RTRAF: variants seen among roughly 807,000 people sequenced by gnomAD.
RTRAF encodes the protein RNA transcription, translation and transport factor.
RTRAF carries 14 observed loss-of-function variants against 34.4 expected under a neutral mutation model. The ratio of observed to expected loss-of-function variants is 0.41; its 90% CI spans 0.27 to 0.64. RTRAF has a LOEUF of 0.64. Ranked by LOEUF, RTRAF falls within the 30% of genes least tolerant of loss-of-function variation. The pLI is 0.34. For missense variants in RTRAF, 291 were observed against 288.4 expected (o/e 1.01, Z -0.06); for synonymous variants, 96 against 95.3 (o/e 1.01, Z -0.04).
In RTRAF at chr14:52,010,600, A is replaced by C. The variant is rs368702297; in HGVS notation, c.*6084A>C. On this transcript the variant is annotated 3_prime_UTR_variant, in exon 8 of 8. Coordinates refer to ENST00000261700, the MANE Select transcript of RTRAF (RefSeq NM_016039.3). ...GATTCAGAGTAGCCCTAGTTCTCAC[A>C]ACACTATCTGAATTTTCTACATATC... The C allele has an allele frequency of 6.8e-4, 206 of 303,594 alleles. 4 individuals are homozygous for C. In the South Asian group the frequency reaches 0.011, roughly 16 times the overall value. The allele number at this position is 303,594 out of a possible 1,614,324, so 18.8% of individuals were successfully genotyped here.
intron 2 of RTRAF, among the ~76,000 whole-genome samples, chr14:51,993,042 T>G (rs1440625324): frequency 1.3e-5 from 2 of 152,026 alleles, no homozygotes; most frequent in Non-Finnish European, 2.9e-5. Flanking sequence ...AAAAAAGAAA[T>G]ATGTATGTAT....
In RTRAF at chr14:51,989,662, C is replaced by A; in HGVS notation, c.23C>A (p.Ala8Asp). ...ACCATGTTCCGACGCAAGTTGACGG[C>A]TCTCGACTACCACAACCCCGCCGGC... MFRRKLT[A>D]LDYHNPAGFN... Residue 8 changes from alanine (A) to aspartate (D), a missense_variant, in exon 1 of 8, where the codon GCT becomes GAT. By Grantham distance (126) the Ala-to-Asp change is moderately radical (BLOSUM62 -2). Transcript: ENST00000261700. 2 of 1,606,714 alleles carry A rather than the reference C, an allele frequency of 1.2e-6. No homozygotes were observed. The highest frequency in any genetic ancestry group is 2.3e-5 in the East Asian group (1 of 44,212).
intron 1 of RTRAF, among the ~76,000 whole-genome samples, chr14:51,990,211 G>A (rs376714651): frequency 2.2e-4 from 34 of 152,350 alleles, no homozygotes; most frequent in South Asian, 8.3e-4. Flanking sequence ...GATCACAGTG[G>A]GAGGGTAAGC....
At chr14:51,993,894 A>C in intron 3 of RTRAF, 72 bp downstream of exon 3, 1 of 928,046 alleles carries the variant, frequency 1.1e-6, no homozygotes. Flanking sequence ...AATGTAGGGA[A>C]CTTTGCAGTT....
Position 52,006,528 on chromosome 14 carries a change from G to A in RTRAF, c.*2012G>A, listed in dbSNP as rs1334848607. The A allele has an allele frequency of 2.5e-6, 4 of 1,613,208 alleles. No homozygotes were observed. The highest frequency in any genetic ancestry group is 3.4e-6 in the Non-Finnish European group (4 of 1,179,400). ...CTTTTCAGGCTTGTCCAGAATTTGTGGGGCTCACCTCCTCCAGTCTGTGTG... is the reference window on the plus strand; with the variant it reads ...CTTTTCAGGCTTGTCCAGAATTTGTAGGGCTCACCTCCTCCAGTCTGTGTG... On this transcript the variant is annotated 3_prime_UTR_variant, in exon 8 of 8. Coordinates refer to ENST00000261700, the MANE Select transcript of RTRAF (RefSeq NM_016039.3).
At chr14:51,999,157 AGAAAT>A (rs1275943164) in intron 4 of RTRAF, among the ~76,000 whole-genome samples, 1 of 152,022 alleles carries the variant, frequency 6.6e-6, no homozygotes, top group Non-Finnish European at 1.5e-5. Context: ...GGCCTTGGGA[AGAAAT>A]GTTAATTAAA....
rs559859573 is a variant in RTRAF, at chr14:52,008,946, A to T, written c.*4430A>T. The T allele has an allele frequency of 6.6e-6, 1 of 152,366 alleles. No individual in the cohort carries two copies. Among genetic ancestry groups the T allele is most frequent in the South Asian group, 2.1e-4 (1 of 4,832 alleles). The allele number at this position is 152,366 out of a possible 1,614,324, so 9.4% of individuals were successfully genotyped here. ...ATTCATAACAGATACTAACGAGGAA[A>T]TATGGTCCTATTAAGTGGAAATAGG... On this transcript the variant is annotated 3_prime_UTR_variant, in exon 8 of 8. Coordinates refer to ENST00000261700, the MANE Select transcript of RTRAF (RefSeq NM_016039.3).
At position 52,005,810 on chromosome 14, in the gene RTRAF, A is replaced by G; in HGVS notation, c.*1294A>G. 1 of 1,613,814 alleles carries G rather than the reference A, an allele frequency of 6.2e-7. No individual in the cohort carries two copies. Among genetic ancestry groups the G allele is most frequent in the Non-Finnish European group, 8.5e-7 (1 of 1,179,708 alleles). On this transcript the variant is annotated 3_prime_UTR_variant, in exon 8 of 8. Transcript: ENST00000261700. Reference sequence around the variant, plus strand: ...GTTGTTCTGGGAGATACTCATCAGTAAACTGGCCACTATGTTTATTTACTG... The same window carrying G: ...GTTGTTCTGGGAGATACTCATCAGTGAACTGGCCACTATGTTTATTTACTG...
chr14:52,003,830 GTTGCTTA>G (rs1890654119), intron 6 of RTRAF, among the ~76,000 whole-genome samples: 1 of 152,192 alleles, frequency 6.6e-6, no homozygotes, highest in Non-Finnish European at 1.5e-5. Flanking sequence ...CGTTTATACT[GTTGCTTA>G]CTGTCGCCAA....
chr14:51,994,282 C>T (rs1028424169), intron 3 of RTRAF, among the ~76,000 whole-genome samples: 2 of 152,144 alleles, frequency 1.3e-5, no homozygotes, highest in African/African-American at 2.4e-5. Flanking sequence ...AATGTTAGTA[C>T]CTATAGTAAA....
chr14:51,999,613 C>G (rs1411648580), intron 4 of RTRAF, 95 bp from the exon 5 acceptor site: 2 of 831,170 alleles, frequency 2.4e-6, no homozygotes, highest in Admixed American at 5.1e-5. Flanking sequence ...TTGTTGCTAC[C>G]GAAAAGTTAA....
intron 4 of RTRAF, 46 bp downstream of exon 4, chr14:51,998,626 T>A: frequency 7.8e-7 from 1 of 1,283,752 alleles, no homozygotes; most frequent in Admixed American, 2.3e-5. Flanking sequence ...TTTTTGGTTT[T>A]TTAAATGTTT....
chr14:51,998,108 A>C (rs1479203235), intron 3 of RTRAF: 2 of 155,914 alleles, frequency 1.3e-5, no homozygotes, highest in African/African-American at 4.8e-5. Flanking sequence ...GAAATCCTAA[A>C]TGCTCCAAAA....
chr14:52,004,564 A>ATACACTTCTG lies in RTRAF; in HGVS notation c.*49_*58dup. The ATACACTTCTG allele has an allele frequency of 6.5e-7, 1 of 1,541,560 alleles. No individual in the cohort carries two copies. The highest frequency in any genetic ancestry group is 8.8e-7 in the Non-Finnish European group (1 of 1,139,194). ...CACCTACTTAGTACAGTTGGGAACC[A>ATACACTTCTG]TACACTTCTGGCATGTTTGGAAATC... On this transcript the variant is annotated 3_prime_UTR_variant, in exon 8 of 8. Transcript: ENST00000261700.
chr14:52,006,283 A>T lies in RTRAF; in HGVS notation c.*1767A>T. The T allele has an allele frequency of 4.5e-6, 2 of 448,562 alleles. No individual in the cohort carries two copies. Among genetic ancestry groups the T allele is most frequent in the Admixed American group, 3.7e-5 (1 of 26,932 alleles). The allele number at this position is 448,562 out of a possible 1,614,324, so 27.8% of individuals were successfully genotyped here. On this transcript the variant is annotated 3_prime_UTR_variant, in exon 8 of 8. Transcript: ENST00000261700. ...TATGCTCCCTTTTGAGACATTATCC[A>T]ATAGCTTTGCTACTTTTTAAGCTAT...
At chr14:51,992,242 T>G (rs1007556890) in intron 2 of RTRAF, among the ~76,000 whole-genome samples, 3 of 152,226 alleles carry the variant, frequency 2.0e-5, no homozygotes, top group African/African-American at 7.2e-5. Flanking sequence ...TTTCTTACAT[T>G]AAACATTTTC....
chr14:52,010,587 C>G lies in RTRAF; in HGVS notation c.*6071C>G. ...CGCCTGATCATTTGATTCAGAGTAG[C>G]CCTAGTTCTCACAACACTATCTGAA... On this transcript the variant is annotated 3_prime_UTR_variant, in exon 8 of 8. Transcript: ENST00000261700. The G allele has an allele frequency of 3.7e-6, 1 of 268,076 alleles. No homozygotes were observed. Among genetic ancestry groups the G allele is most frequent in the Non-Finnish European group, 7.3e-6 (1 of 136,398 alleles). 16.6% of individuals were successfully genotyped at this position (268,076 alleles called of 1,614,324 possible).
Position 51,993,839 on chromosome 14 carries a change from ATG to A in RTRAF, c.286+21_286+22del. The stretch of plus-strand genomic sequence containing the variant: ...GAGATAATGGTACGTTTTGTGGGGA[ATG>A]TGTATTTTAAAGAGAGAGGAAAGAT... On this transcript the variant is annotated intron_variant, in intron 3 of 7. Coordinates refer to ENST00000261700, the MANE Select transcript of RTRAF (RefSeq NM_016039.3). The A allele has an allele frequency of 7.0e-7, 1 of 1,438,418 alleles. No individual in the cohort carries two copies. Among genetic ancestry groups the A allele is most frequent in the Non-Finnish European group, 9.6e-7 (1 of 1,041,086 alleles). The allele number at this position is 1,438,418 out of a possible 1,614,324, so 89.1% of individuals were successfully genotyped here.
Position 51,991,372 on chromosome 14 carries a change from C to T in RTRAF, c.117C>T (p.His39=). Residue 39 remains histidine, a synonymous_variant, in exon 2 of 8, where the codon CAC becomes CAT. Transcript: ENST00000261700. ...IVWLEDQKIR[H]YKIEDRGNLR... ...GGCTTGAAGACCAGAAAATCAGGCA[C>T]TACAAGATTGAAGACAGAGGGAATT... The T allele has an allele frequency of 6.2e-7, 1 of 1,613,496 alleles. No homozygotes were observed. The highest frequency in any genetic ancestry group is 8.5e-7 in the Non-Finnish European group (1 of 1,179,530).
Sources: gnomAD v4.1 joint callset for allele counts (sites outside exome capture counted in the v4.1 genomes callset) on GRCh38, gnomAD v4.1.1 for gene constraint, MANE v1.5 for transcripts, NCBI Gene and HGNC (gene_info 2026-07-23, HGNC 2026-07-21) for gene names.